The following TLL1 variants were observed in gnomAD, a reference collection of about 807,000 sequenced individuals.
TLL1 encodes the protein tolloid-like protein 1.
In TLL1, 49 loss-of-function variants were observed where a neutral mutation model predicts 128.2. The ratio of observed to expected loss-of-function variants is 0.38; its 90% CI spans 0.30 to 0.48. TLL1 has a LOEUF of 0.48. Among genes scored for constraint, TLL1 ranks in the 20% least tolerant of loss-of-function variants. The probability of loss-of-function intolerance (pLI) is 0.96; values close to 1 mark genes in which losing one functional copy is unlikely to be tolerated. For synonymous variants in TLL1, 454 were observed against 418.8 expected (o/e 1.08, Z -1.03); for missense variants, 1,123 against 1,242.0 (o/e 0.90, Z 1.44).
At chr4:165,981,587 G>A (rs10024213) in intron 1 of TLL1, among the ~76,000 whole-genome samples, 12,167 of 152,002 alleles carry the variant, frequency 0.08, 1,594 homozygotes, top group African/African-American at 0.27. Flanking sequence ...ACCAAGGACC[G>A]TGATTTGCAG....
intron 1 of TLL1, among the ~76,000 whole-genome samples, chr4:165,976,540 G>C (rs185653233): frequency 6.6e-6 from 1 of 152,192 alleles, no homozygotes; most frequent in Admixed American, 6.6e-5. Context: ...TTTTCTTGTA[G>C]CTTGACTGTC....
intron 19 of TLL1, among the ~76,000 whole-genome samples, chr4:166,098,106 G>C (rs1028024056): frequency 6.6e-6 from 1 of 152,048 alleles, no homozygotes; most frequent in Admixed American, 6.6e-5. Context: ...GGCTAAGGCA[G>C]GTGGATCACT....
intron 12 of TLL1, among the ~76,000 whole-genome samples, chr4:166,045,707 C>T (rs752571561): frequency 2.0e-5 from 3 of 152,076 alleles, no homozygotes; most frequent in Non-Finnish European, 2.9e-5. Flanking sequence ...GTCTTTGGCT[C>T]CTCCTCACTC....
intron 1 of TLL1, among the ~76,000 whole-genome samples, chr4:165,956,826 T>G (rs1454212696): frequency 6.6e-6 from 1 of 152,102 alleles, no homozygotes; most frequent in Non-Finnish European, 1.5e-5. Flanking sequence ...CTTCACAATT[T>G]ATGTTCCTCT....
intron 1 of TLL1, among the ~76,000 whole-genome samples, chr4:165,943,322 T>C (rs1239870151): frequency 2.0e-5 from 3 of 152,208 alleles, no homozygotes; most frequent in African/African-American, 7.2e-5. Context: ...AAAACTCTCT[T>C]CATTATTTGT....
At chr4:166,061,636 G>A (rs1740317474) in intron 15 of TLL1, among the ~76,000 whole-genome samples, 2 of 152,048 alleles carry the variant, frequency 1.3e-5, no homozygotes, top group Admixed American at 1.3e-4. Flanking sequence ...AGGTAAAAAA[G>A]AGGTAGCTGA....
intron 9 of TLL1, among the ~76,000 whole-genome samples, chr4:166,031,268 C>A (rs1278951613): frequency 2.0e-5 from 3 of 150,714 alleles, no homozygotes; most frequent in East Asian, 3.9e-4. Flanking sequence ...CTATGTACGG[C>A]TTATTATATG....
intron 12 of TLL1, among the ~76,000 whole-genome samples, chr4:166,049,742 AC>A (rs1187607483): frequency 2.0e-5 from 3 of 151,006 alleles, no homozygotes; most frequent in Admixed American, 1.3e-4. Context: ...TAAACTTTTC[AC>A]CTTTTTATTC....
intron 1 of TLL1, among the ~76,000 whole-genome samples, chr4:165,916,708 A>G (rs916239503): frequency 6.6e-6 from 1 of 152,146 alleles, no homozygotes; most frequent in African/African-American, 2.4e-5. Context: ...TTTTGTAAAT[A>G]AGGAAAGTGA....
intron 1 of TLL1, among the ~76,000 whole-genome samples, chr4:165,962,650 G>A (rs1047884956): frequency 1.3e-5 from 2 of 151,832 alleles, no homozygotes; most frequent in Admixed American, 6.6e-5. Flanking sequence ...ACAGTAGCAA[G>A]GTAAGCCAGG....
rs143968520 is a variant in TLL1 at position 165,977,657 on chromosome 4, T to C, written c.170-11724T>C. ...ATACATTTATTTAAGTTGAATGCAC[T>C]AAATAAACTACATCCAGTGTAACTC... On this transcript the variant is annotated intron_variant, in intron 1 of 20. Coordinates refer to ENST00000061240, the MANE Select transcript of TLL1 (RefSeq NM_012464.5). Among the ~76,000 whole-genome samples, 16 of 152,326 alleles carry C rather than the reference T, an allele frequency of 1.1e-4. No homozygotes were observed. In the East Asian group the frequency reaches 3.1e-3, roughly 29 times the overall value.
chr4:165,873,988 C>T lies in TLL1; in HGVS notation c.84C>T (p.Cys28=). 6.2e-7 allele frequency: 1 copy of T among 1,614,088 alleles called. No homozygotes were observed. The highest frequency in any genetic ancestry group is 1.3e-5 in the African/African-American group (1 of 75,040). ...TTTTCTACGGGGAGCTATGGGTCTGCGCTGGCCTCGATTATGATTACACTT... is the reference window on the plus strand; with the variant it reads ...TTTTCTACGGGGAGCTATGGGTCTGTGCTGGCCTCGATTATGATTACACTT... The part of the protein sequence containing the change: ...GIVFYGELWV[C]AGLDYDYTFD... The change falls in exon 1 of 21, where the codon TGC becomes TGT. Residue 28 remains cysteine (C), a synonymous_variant. Coordinates refer to ENST00000061240, the MANE Select transcript of TLL1 (RefSeq NM_012464.5).
At chr4:166,075,068 G>A in intron 17 of TLL1, 65 bp downstream of exon 17, 1 of 1,593,700 alleles carries the variant, frequency 6.3e-7, no homozygotes. Context: ...GTAAAGCACT[G>A]CTTCCAAGTA....
At chr4:165,931,529 A>G (rs905380901) in intron 1 of TLL1, among the ~76,000 whole-genome samples, 1 of 151,688 alleles carries the variant, frequency 6.6e-6, no homozygotes, top group African/African-American at 2.4e-5. Flanking sequence ...CCTCCTGGCC[A>G]ACACGGTGAA....
chr4:165,910,861 T>C (rs1346719154), intron 1 of TLL1, among the ~76,000 whole-genome samples: 2 of 152,212 alleles, frequency 1.3e-5, no homozygotes, highest in African/African-American at 4.8e-5. Context: ...TGCCAAGTGA[T>C]GAAACCCAAG....
rs1354865253 is a variant in TLL1 at position 166,057,231 on chromosome 4, T to C, written c.1768T>C (p.Cys590Arg). ...TGACCGTGGAGGCTGTGAGCAGCGA[T>C]GTCTGAACACTCTGGGCAGTTACCA... ...KPDRGGCEQR[C>R]LNTLGSYQCA... The change falls in exon 14 of 21, where the codon TGT becomes CGT. Residue 590 changes from cysteine to arginine, a missense_variant. By Grantham distance (180) the Cys-to-Arg change is radical. Coordinates refer to ENST00000061240, the MANE Select transcript of TLL1 (RefSeq NM_012464.5). The C allele has an allele frequency of 1.2e-6, 2 of 1,613,990 alleles. No individual in the cohort carries two copies. The highest frequency in any genetic ancestry group is 2.2e-5 in the South Asian group (2 of 91,082).
chr4:166,060,528 G>C (rs947777589), intron 15 of TLL1, among the ~76,000 whole-genome samples: 1 of 152,032 alleles, frequency 6.6e-6, no homozygotes, highest in Non-Finnish European at 1.5e-5. Flanking sequence ...CTGTGGCTGA[G>C]TCATAACAAA....
chr4:166,044,476 G>A, intron 12 of TLL1: 1 of 1,475,036 alleles, frequency 6.8e-7, no homozygotes, highest in Non-Finnish European at 9.1e-7. Flanking sequence ...CCCCTTGCAT[G>A]TACCATTTAA....
At chr4:166,072,837 G>A (rs1264845065) in intron 16 of TLL1, among the ~76,000 whole-genome samples, 1 of 151,982 alleles carries the variant, frequency 6.6e-6, no homozygotes, top group Non-Finnish European at 1.5e-5. Flanking sequence ...GGGTGATTCA[G>A]GCCATCTCTG....
Sources: allele counts gnomAD v4.1 joint callset (sites outside exome capture counted in the v4.1 genomes callset), GRCh38; gene constraint gnomAD v4.1.1; transcripts MANE v1.5; gene names NCBI Gene and HGNC (gene_info 2026-07-23, HGNC 2026-07-21).